Variants in RELB observed in about 807,000 individuals in gnomAD.
RELB encodes the protein RELB proto-oncogene, NF-kB subunit, also known as transcription factor RelB.
RELB carries 14 observed loss-of-function variants against 55.4 expected under a neutral mutation model. That is an observed-to-expected ratio of 0.25 (90% CI 0.17 to 0.40). The LOEUF (loss-of-function observed/expected upper bound fraction) is 0.40. RELB is among the 10% of genes least tolerant of loss of function. RELB has a pLI of 1.00. For missense variants in RELB, 669 were observed against 830.7 expected, an observed-to-expected ratio of 0.81 and a Z score of 2.39; for synonymous variants, 409 against 371.3, an observed-to-expected ratio of 1.10 and a Z score of -1.17.
At chr19:45,034,842 CTTT>C (rs778076849) in intron 11 of RELB, among the ~76,000 whole-genome samples, 2 of 140,018 alleles carry the variant, frequency 1.4e-5, no homozygotes, top group Admixed American at 7.6e-5. Context: ...TTTCTTCTTT[CTTT>C]TTTTTTTTTT....
In RELB at chr19:45,022,314, C is replaced by CCT. The variant is rs1971499696; in HGVS notation, c.662+106_662+107dup. On this transcript the variant is annotated intron_variant, in intron 5 of 11. Coordinates refer to ENST00000221452, the MANE Select transcript of RELB (RefSeq NM_006509.4). Reference sequence around the variant, plus strand: ...AGAGCAGAGGGCAGCTTGGGTAAACCCTCCCCACTGCCTCTTCTAGGTGGG... The same window carrying CCT: ...AGAGCAGAGGGCAGCTTGGGTAAACCCTCTCCCCACTGCCTCTTCTAGGTGGG... 4.3e-6 allele frequency: 5 copies of CCT among 1,152,894 alleles called. No homozygotes were observed. The South Asian group carries it at 7.5e-5, about 17-fold the overall frequency. 71.4% of individuals were successfully genotyped at this position (1,152,894 alleles called of 1,614,324 possible).
At chr19:45,009,913 G>A in intron 3 of RELB, 91 bp downstream of exon 3, 3 of 1,271,828 alleles carry the variant, frequency 2.4e-6, no homozygotes, top group Non-Finnish European at 3.4e-6. Context: ...GTGGGGGTGG[G>A]GGAGAGGTGT....
intron 4 of RELB, among the ~76,000 whole-genome samples, chr19:45,015,613 G>T (rs567684859): frequency 6.6e-6 from 1 of 151,866 alleles, no homozygotes; most frequent in Non-Finnish European, 1.5e-5. Context: ...CATGCGCCTG[G>T]GGTCCCAGCA....
chr19:45,033,553 TG>T (rs1971650748), intron 9 of RELB, among the ~76,000 whole-genome samples: 1 of 150,286 alleles, frequency 6.7e-6, no homozygotes, highest in Non-Finnish European at 1.5e-5. Context: ...GGCGTGGTGG[TG>T]GGCGCCTATA....
intron 4 of RELB, among the ~76,000 whole-genome samples, chr19:45,021,295 A>C (rs9749236): frequency 0.075 from 11,311 of 151,558 alleles, 1,179 homozygotes; most frequent in African/African-American, 0.23. Flanking sequence ...AACACGGTGA[A>C]ACCCCATCTC....
At chr19:45,009,679 C>A in intron 2 of RELB, 135 bp from the exon 3 acceptor site, 1 of 975,026 alleles carries the variant, frequency 1.0e-6, no homozygotes, top group Non-Finnish European at 1.6e-6. Flanking sequence ...AAGTCAGAGC[C>A]CAGGGTTTCC....
At position 45,037,953 on chromosome 19, in the gene RELB, T is replaced by A; in HGVS notation, c.*163T>A. ...AAGCTCCGTTGCACGGGTTTCCCCT[T>A]GAGCCCATTTTACAGATGAGGAAAC... On this transcript the variant is annotated 3_prime_UTR_variant, in exon 12 of 12. Coordinates refer to ENST00000221452, the MANE Select transcript of RELB (RefSeq NM_006509.4). The A allele has an allele frequency of 1.6e-6, 1 of 636,816 alleles. No individual in the cohort carries two copies. Among genetic ancestry groups the A allele is most frequent in the Non-Finnish European group, 2.4e-6 (1 of 421,676 alleles). 39.4% of individuals were successfully genotyped at this position (636,816 alleles called of 1,614,324 possible).
intron 2 of RELB, among the ~76,000 whole-genome samples, chr19:45,003,914 T>TG (rs1401998379): frequency 2.2e-4 from 20 of 89,066 alleles, no homozygotes; most frequent in Admixed American, 4.0e-4. Context: ...CTGTTTTTTG[T>TG]GTTTTTTTTT....
intron 9 of RELB, among the ~76,000 whole-genome samples, chr19:45,033,446 A>T (rs1478426990): frequency 6.6e-6 from 1 of 151,984 alleles, no homozygotes; most frequent in East Asian, 1.9e-4. Context: ...GCACTGTGGG[A>T]GGCTGAGGCA....
intron 8 of RELB, among the ~76,000 whole-genome samples, chr19:45,029,966 G>A (rs1198687023): frequency 6.6e-6 from 1 of 152,032 alleles, no homozygotes; most frequent in Non-Finnish European, 1.5e-5. Context: ...TCAGGAGTTC[G>A]AGACCAGCCT....
At chr19:45,013,936 C>T (rs551683641) in intron 4 of RELB, among the ~76,000 whole-genome samples, 59 of 152,258 alleles carry the variant, frequency 3.9e-4, no homozygotes, top group African/African-American at 4.1e-4. Flanking sequence ...AACACTCCAG[C>T]AGTGATGCTG....
At chr19:45,021,436 G>A (rs1297027382) in intron 4 of RELB, among the ~76,000 whole-genome samples, 5 of 128,388 alleles carry the variant, frequency 3.9e-5, no homozygotes, top group Admixed American at 8.9e-5. Context: ...CAGCCTGGGC[G>A]ACAGAGCGAG....
At chr19:45,005,256 T>A (rs1292150305) in intron 2 of RELB, among the ~76,000 whole-genome samples, 1 of 152,168 alleles carries the variant, frequency 6.6e-6, no homozygotes, top group Non-Finnish European at 1.5e-5. Context: ...TATTTGCATT[T>A]TTAGCAAGCT....
At chr19:45,008,223 C>T (rs1364760188) in intron 2 of RELB, among the ~76,000 whole-genome samples, 1 of 151,862 alleles carries the variant, frequency 6.6e-6, no homozygotes, top group Admixed American at 6.6e-5. Flanking sequence ...ATAAAAGTAT[C>T]TTAGCCCAAC....
chr19:45,017,027 A>C (rs7257048), intron 4 of RELB, among the ~76,000 whole-genome samples: 3,078 of 152,270 alleles, frequency 0.02, 107 homozygotes, highest in African/African-American at 0.071. Flanking sequence ...ACTGTCCAGC[A>C]TAACTGGTCC....
intron 2 of RELB, chr19:45,008,502 T>C (rs1386296858): frequency 2.2e-6 from 1 of 456,250 alleles, no homozygotes; most frequent in Admixed American, 2.3e-5. Flanking sequence ...CCAGTTCAAG[T>C]GACTTGAGGT....
intron 4 of RELB, among the ~76,000 whole-genome samples, chr19:45,014,323 C>T (rs1163868818): frequency 6.6e-6 from 1 of 151,806 alleles, no homozygotes; most frequent in Non-Finnish European, 1.5e-5. Flanking sequence ...GTGCATGCCA[C>T]CGTGCCTGGC....
chr19:45,004,816 G>C (rs1039735610), intron 2 of RELB, among the ~76,000 whole-genome samples: 1 of 151,646 alleles, frequency 6.6e-6, no homozygotes, highest in Non-Finnish European at 1.5e-5. Flanking sequence ...GCCGTGAGCC[G>C]AGATCATGGC....
intron 2 of RELB, among the ~76,000 whole-genome samples, chr19:45,004,667 A>G (rs1438646963): frequency 2.6e-5 from 4 of 151,302 alleles, no homozygotes; most frequent in Non-Finnish European, 5.9e-5. Context: ...CGGGAGTTCT[A>G]GACCAGGCTG....
Sources: allele counts gnomAD v4.1 joint callset (sites outside exome capture counted in the v4.1 genomes callset), GRCh38; gene constraint gnomAD v4.1.1; transcripts MANE v1.5; gene names NCBI Gene and HGNC (gene_info 2026-07-23, HGNC 2026-07-21).